The following TRPM3 variants were observed in gnomAD, a reference collection of about 807,000 sequenced individuals.
TRPM3 encodes long transient receptor potential channel 3.
Under a neutral mutation model 181.2 loss-of-function variants are expected in TRPM3, and 77 were observed. The ratio of observed to expected loss-of-function variants is 0.42; its 90% CI spans 0.35 to 0.51. The LOEUF is 0.51. Ranked by LOEUF, TRPM3 falls within the 20% of genes least tolerant of loss-of-function variation. The pLI is 0.01. For missense variants in TRPM3, 1,759 were observed against 2,196.7 expected (o/e 0.80, Z 3.98); for synonymous variants, 745 against 796.4 (o/e 0.94, Z 1.09).
intron 7 of TRPM3, among the ~76,000 whole-genome samples, chr9:70,770,301 G>C (rs2079978620): frequency 6.6e-6 from 1 of 152,108 alleles, no homozygotes; most frequent in Admixed American, 6.5e-5. Context: ...GCTCTTGTCA[G>C]GAACAGACAG....
At chr9:70,653,050 C>T (rs2059791749) in intron 9 of TRPM3, among the ~76,000 whole-genome samples, 1 of 152,012 alleles carries the variant, frequency 6.6e-6, no homozygotes. Context: ...GGGAAAAGCC[C>T]TCGGAAAGGG....
intron 1 of TRPM3, among the ~76,000 whole-genome samples, chr9:70,967,377 A>T (rs78856661): frequency 0.064 from 9,572 of 149,010 alleles, 440 homozygotes; most frequent in Admixed American, 0.14. Flanking sequence ...ATGGTAAGAC[A>T]TAAACTCTAA....
intron 1 of TRPM3, among the ~76,000 whole-genome samples, chr9:71,209,907 T>C (rs2079378417): frequency 6.6e-6 from 1 of 152,176 alleles, no homozygotes. Context: ...GCAGAGACCA[T>C]ATGGCACACA....
At chr9:70,551,366 G>T (rs1243543839) in intron 24 of TRPM3, among the ~76,000 whole-genome samples, 1 of 152,192 alleles carries the variant, frequency 6.6e-6, no homozygotes, top group Non-Finnish European at 1.5e-5. Flanking sequence ...TGAGAAAGCA[G>T]ACATGGCTGT....
At chr9:71,087,319 A>G (rs2065441707) in intron 1 of TRPM3, among the ~76,000 whole-genome samples, 1 of 152,054 alleles carries the variant, frequency 6.6e-6, no homozygotes, top group Non-Finnish European at 1.5e-5. Flanking sequence ...CTGTGCTTAT[A>G]CAGGAAAGTT....
intron 1 of TRPM3, among the ~76,000 whole-genome samples, chr9:71,085,897 G>C (rs1236361766): frequency 6.6e-6 from 1 of 151,990 alleles, no homozygotes; most frequent in Non-Finnish European, 1.5e-5. Flanking sequence ...ACATGCACTT[G>C]CATGTTCATT....
chr9:70,935,351 C>T (rs910159620), intron 1 of TRPM3, among the ~76,000 whole-genome samples: 1 of 152,122 alleles, frequency 6.6e-6, no homozygotes, highest in African/African-American at 2.4e-5. Context: ...AAGCATGTAC[C>T]CCTACTATGG....
chr9:71,267,026 G>GA (rs1175687454), intron 1 of TRPM3, among the ~76,000 whole-genome samples: 17 of 151,200 alleles, frequency 1.1e-4, no homozygotes, highest in African/African-American at 3.6e-4. Flanking sequence ...CTCAAATTTA[G>GA]AAAAAATTAA....
intron 1 of TRPM3, among the ~76,000 whole-genome samples, chr9:71,431,182 A>G (rs909974751): frequency 1.3e-5 from 2 of 152,204 alleles, no homozygotes; most frequent in African/African-American, 4.8e-5. Context: ...TATCTCACAC[A>G]CACACACACA....
chr9:71,304,749 A>C (rs2087108097), intron 1 of TRPM3, among the ~76,000 whole-genome samples: 1 of 152,226 alleles, frequency 6.6e-6, no homozygotes, highest in Admixed American at 6.5e-5. Flanking sequence ...GCGCATTTAA[A>C]TACTACAGGA....
chr9:70,609,394 T>G (rs923029538), intron 19 of TRPM3, among the ~76,000 whole-genome samples: 2 of 152,268 alleles, frequency 1.3e-5, no homozygotes, highest in Non-Finnish European at 2.9e-5. Context: ...TAAATTTGAA[T>G]TTTTACCTCA....
chr9:70,870,516 C>A (rs2095765623), intron 1 of TRPM3, among the ~76,000 whole-genome samples: 1 of 152,018 alleles, frequency 6.6e-6, no homozygotes, highest in Non-Finnish European at 1.5e-5. Context: ...TTCTCTGCAG[C>A]TGTAACACTC....
intron 1 of TRPM3, among the ~76,000 whole-genome samples, chr9:71,418,908 G>GTA (rs201747743): frequency 2.0e-5 from 2 of 98,558 alleles, no homozygotes; most frequent in East Asian, 2.5e-4. Flanking sequence ...ATGTGTGTGT[G>GTA]TATATATATG....
chr9:70,874,028 A>C lies in TRPM3; in HGVS notation c.178-9517T>G, dbSNP rs1205927993. Among the ~76,000 whole-genome samples, 4 of 151,938 alleles carry C rather than the reference A, an allele frequency of 2.6e-5. No homozygotes were observed. The East Asian group carries it at 7.8e-4, about 29-fold the overall frequency. On this transcript the variant is annotated intron_variant, in intron 1 of 25. Coordinates refer to ENST00000677713, the MANE Select transcript of TRPM3 (RefSeq NM_001366145.2). ...CTAAACTTAAATCATATACACCTTA[A>C]CATAATGTTAGGTTAGATTATGTTT...
chr9:70,616,182 G>A (rs764720222), intron 17 of TRPM3, 107 bp from the exon 18 acceptor site: 14 of 702,272 alleles, frequency 2.0e-5, no homozygotes, highest in South Asian at 2.6e-5. Flanking sequence ...GAGTGTATGC[G>A]TGTGTGTGTG....
intron 1 of TRPM3, among the ~76,000 whole-genome samples, chr9:70,960,403 G>T (rs2097125647): frequency 6.6e-6 from 1 of 152,146 alleles, no homozygotes; most frequent in African/African-American, 2.4e-5. Context: ...ATTGCAGCTT[G>T]CATATTTAAT....
At chr9:71,306,268 TC>T (rs1056711057) in intron 1 of TRPM3, among the ~76,000 whole-genome samples, 4 of 152,070 alleles carry the variant, frequency 2.6e-5, no homozygotes, top group African/African-American at 4.8e-5. Flanking sequence ...GAACAGGAGA[TC>T]CCTGAAGATA....
chr9:70,535,549 C>T lies in TRPM3; in HGVS notation c.*404G>A. The T allele has an allele frequency of 6.5e-7, 1 of 1,541,594 alleles. No individual in the cohort carries two copies. Among genetic ancestry groups the T allele is most frequent in the Non-Finnish European group, 8.7e-7 (1 of 1,144,706 alleles). ...ACGCTGGCTATTTTATTTTATTTTGCAATTTAGCCCTGCATCCTACAACTC... is the reference window on the plus strand; with the variant it reads ...ACGCTGGCTATTTTATTTTATTTTGTAATTTAGCCCTGCATCCTACAACTC... On this transcript the variant is annotated 3_prime_UTR_variant, in exon 26 of 26. Coordinates refer to ENST00000677713, the MANE Select transcript of TRPM3 (RefSeq NM_001366145.2).
At chr9:70,542,609 C>T (rs945351410) in intron 25 of TRPM3, among the ~76,000 whole-genome samples, 5 of 152,182 alleles carry the variant, frequency 3.3e-5, no homozygotes, top group Non-Finnish European at 7.3e-5. Flanking sequence ...TTTTGGCTTC[C>T]ACATGCAATT....
Sources: allele counts gnomAD v4.1 joint callset (sites outside exome capture counted in the v4.1 genomes callset), GRCh38; gene constraint gnomAD v4.1.1; transcripts MANE v1.5; gene names NCBI Gene and HGNC (gene_info 2026-07-23, HGNC 2026-07-21).